ZCCHC14: variants seen among roughly 807,000 people sequenced by gnomAD.
ZCCHC14 encodes zinc finger CCHC-type containing 14.
Under a neutral mutation model 85.0 loss-of-function variants are expected in ZCCHC14, and 16 were observed. The ratio of observed to expected loss-of-function variants is 0.19; its 90% CI spans 0.13 to 0.29. The LOEUF is 0.29. Ranked by LOEUF, ZCCHC14 falls within the 10% of genes least tolerant of loss-of-function variation. The pLI is 1.00. For synonymous variants in ZCCHC14, 775 were observed against 630.7 expected (o/e 1.23, Z -3.43); for missense variants, 1,303 against 1,443.5 (o/e 0.90, Z 1.58).
intron 1 of ZCCHC14, chr16:87,473,633 A>T (rs979115062): frequency 6.6e-6 from 1 of 152,220 alleles, no homozygotes. Context: ...ACAATAACTA[A>T]ACTGCGTTAT....
In ZCCHC14 at chr16:87,412,041, G is replaced by C; in HGVS notation, c.2680C>G (p.Pro894Ala). Residue 894 changes from proline to alanine, a missense_variant, in exon 12 of 13, where the codon CCT becomes GCT. By Grantham distance (27) the Pro-to-Ala change is conservative (BLOSUM62 -1). Around this residue, in one of 7 missense-constraint regions of ZCCHC14, gnomAD observed 797 missense variants for 730.8 expected, o/e 1.09. Transcript: ENST00000671377. ...SGGGGSTGNI[P>A]ASNPNHHHHH... ...TGGTGGTGGTTCGGATTCGAGGCAG[G>C]AATGTTTCCTGTGGAGCCGCCACCG... is the stretch of plus-strand genomic sequence containing the variant. 1.2e-6 allele frequency: 2 copies of C among 1,609,440 alleles called. No individual in the cohort carries two copies. The highest frequency in any genetic ancestry group is 2.7e-5 in the African/African-American group (2 of 75,014).
chr16:87,413,725 C>A (rs1444496269), intron 10 of ZCCHC14, among the ~76,000 whole-genome samples: 2 of 151,800 alleles, frequency 1.3e-5, no homozygotes, highest in Non-Finnish European at 1.5e-5. Context: ...TGAGGGTCCC[C>A]CAAAGCAGGA....
intron 7 of ZCCHC14, 49 bp downstream of exon 7, chr16:87,418,798 T>A (rs764537084): frequency 6.4e-7 from 1 of 1,566,772 alleles, no homozygotes; most frequent in Admixed American, 1.7e-5. Context: ...AAAGTAAACA[T>A]TGTAAAATGC....
intron 9 of ZCCHC14, 94 bp downstream of exon 9, chr16:87,415,182 A>T (rs1229330524): frequency 4.0e-6 from 4 of 999,724 alleles, no homozygotes; most frequent in Non-Finnish European, 6.3e-6. Context: ...GAACTAATCC[A>T]ATCACTAGTA....
rs115416531 is a variant in ZCCHC14, at chr16:87,413,396, G to A, written c.1604-201C>T. Among the ~76,000 whole-genome samples the A allele has an allele frequency of 9.2e-5, 14 of 152,292 alleles. No homozygotes were observed. In the South Asian group the frequency reaches 1.2e-3, roughly 14 times the overall value. ...CAAATGGCAGCGATGCTCAACACCCGCTCAGCCAGGGCCCTGCCGGCCCCC... is the reference window on the plus strand; with the variant it reads ...CAAATGGCAGCGATGCTCAACACCCACTCAGCCAGGGCCCTGCCGGCCCCC... On this transcript the variant is annotated intron_variant, in intron 10 of 12. Coordinates refer to ENST00000671377, the MANE Select transcript of ZCCHC14 (RefSeq NM_015144.3).
At chr16:87,426,693 G>A (rs1008305779) in intron 3 of ZCCHC14, among the ~76,000 whole-genome samples, 1 of 152,230 alleles carries the variant, frequency 6.6e-6, no homozygotes, top group Admixed American at 6.5e-5. Flanking sequence ...GGGACAGGCA[G>A]CCCAGGATCC....
At chr16:87,446,567 C>A (rs145166103) in intron 2 of ZCCHC14, among the ~76,000 whole-genome samples, 2,459 of 152,096 alleles carry the variant, frequency 0.016, 26 homozygotes, top group Middle Eastern at 0.044. Context: ...TTACAGAAAA[C>A]GTTTGCCAGC....
In ZCCHC14 at chr16:87,483,003, C is replaced by A. The variant is rs561082390; in HGVS notation, c.570+8666G>T. Among the ~76,000 whole-genome samples the A allele has an allele frequency of 7.3e-5, 11 of 151,436 alleles. No individual in the cohort carries two copies. In the Middle Eastern group the frequency reaches 0.01, roughly 140 times the overall value. ...ATACATTATGCATTATGACACAAAA[C>A]CCAGAAGCCATACCAAAAAGGACTG... On this transcript the variant is annotated intron_variant, in intron 1 of 12. Transcript: ENST00000671377.
At chr16:87,416,909 G>C (rs1468761648) in intron 8 of ZCCHC14, among the ~76,000 whole-genome samples, 1 of 152,208 alleles carries the variant, frequency 6.6e-6, no homozygotes, top group Non-Finnish European at 1.5e-5. Flanking sequence ...AAGCCACCAA[G>C]CCGGTTTGCC....
intron 2 of ZCCHC14, among the ~76,000 whole-genome samples, chr16:87,447,690 T>C (rs1910508667): frequency 6.6e-6 from 1 of 152,252 alleles, no homozygotes; most frequent in Non-Finnish European, 1.5e-5. Flanking sequence ...CTGTTGTGGA[T>C]GTACGCTTTC....
At chr16:87,430,897 T>C (rs1052280388) in intron 3 of ZCCHC14, among the ~76,000 whole-genome samples, 3 of 152,128 alleles carry the variant, frequency 2.0e-5, no homozygotes, top group Non-Finnish European at 4.4e-5. Context: ...CCCAGCACTT[T>C]GGGAGGCTGA....
chr16:87,421,897 G>A lies in ZCCHC14; in HGVS notation c.841-1181C>T, dbSNP rs73238699. ...TCCGGCTCCACGGTCATCTAAACAT[G>A]TCTGACATTCAGTCAACATTTGCAA... On this transcript the variant is annotated intron_variant, in intron 4 of 12. Transcript: ENST00000671377. Among the ~76,000 whole-genome samples, 1,243 of 151,890 alleles carry A rather than the reference G, an allele frequency of 8.2e-3. 19 individuals are homozygous for A. The highest frequency in any genetic ancestry group is 0.028 in the African/African-American group (1,153 of 41,386).
Position 87,411,374 on chromosome 16 carries a change from T to C in ZCCHC14, c.3205+142A>G, listed in dbSNP as rs1401479048. 6 of 1,510,610 alleles carry C rather than the reference T, an allele frequency of 4.0e-6. No homozygotes were observed. The East Asian group carries it at 6.8e-5, about 17-fold the overall frequency. 93.6% of individuals were successfully genotyped at this position (1,510,610 alleles called of 1,614,324 possible). On this transcript the variant is annotated intron_variant, in intron 12 of 12. Coordinates refer to ENST00000671377, the MANE Select transcript of ZCCHC14 (RefSeq NM_015144.3). ...CTTCTGGGGACCTCACGGCCTATCATGAAGATTTCCACGCGCTTTCAAAGA... is the reference window on the plus strand; with the variant it reads ...CTTCTGGGGACCTCACGGCCTATCACGAAGATTTCCACGCGCTTTCAAAGA...
rs1380470142 is a variant in ZCCHC14 at position 87,409,330 on chromosome 16, A to G, written c.*950T>C. 1.3e-5 allele frequency: 2 copies of G among 152,236 alleles called. No homozygotes were observed. Among genetic ancestry groups the G allele is most frequent in the Non-Finnish European group, 2.9e-5 (2 of 68,054 alleles). The allele number at this position is 152,236 out of a possible 1,614,324, so 9.4% of individuals were successfully genotyped here. A position where few individuals can be genotyped will look rare whatever the true frequency, so the allele number is the denominator to read the frequency against. On this transcript the variant is annotated 3_prime_UTR_variant, in exon 13 of 13. Coordinates refer to ENST00000671377, the MANE Select transcript of ZCCHC14 (RefSeq NM_015144.3). The stretch of plus-strand genomic sequence containing the variant: ...GGTTCTTGGGGAGCCCGTGGGAGAT[A>G]AAGCAACTTGCAAACTCTGCTGAGG...
Position 87,492,139 on chromosome 16 carries a change from C to A in ZCCHC14, c.100G>T (p.Asp34Tyr). The A allele has an allele frequency of 7.6e-7, 1 of 1,310,186 alleles. No homozygotes were observed. The highest frequency in any genetic ancestry group is 1.7e-5 in the South Asian group (1 of 59,196). The allele number at this position is 1,310,186 out of a possible 1,614,324, so 81.2% of individuals were successfully genotyped here. Residue 34 changes from aspartate to tyrosine, a missense_variant, in exon 1 of 13, where the codon GAC becomes TAC. Asp to Tyr is a radical substitution (Grantham distance 160, BLOSUM62 -3). Transcript: ENST00000671377. This position sits in a 1 kb window ranked among gnomAD's most constrained non-coding sequence, Gnocchi z 6.7. ...QRVEFLCGLL[D>Y]LCIPLELRFL... is the part of the protein sequence containing the mutation. ...CGAAGCTCGAGCGGGATGCACAGGTCCAGCAGGCCGCACAGGAACTCCACG... is the reference window on the plus strand; with the variant it reads ...CGAAGCTCGAGCGGGATGCACAGGTACAGCAGGCCGCACAGGAACTCCACG...
chr16:87,425,344 A>G (rs1373851369), intron 3 of ZCCHC14, among the ~76,000 whole-genome samples: 2 of 152,146 alleles, frequency 1.3e-5, no homozygotes, highest in African/African-American at 4.8e-5. Flanking sequence ...TGGGAGGCTG[A>G]GGTGGGCGGA....
intron 7 of ZCCHC14, 89 bp downstream of exon 7, chr16:87,418,758 T>G (rs1908930890): frequency 1.5e-6 from 2 of 1,326,530 alleles, no homozygotes; most frequent in Non-Finnish European, 1.1e-6. Context: ...GAGCATGACT[T>G]AATTCTTGGA....
chr16:87,477,140 A>C (rs1489652948), intron 1 of ZCCHC14, among the ~76,000 whole-genome samples: 4 of 96,734 alleles, frequency 4.1e-5, no homozygotes, highest in South Asian at 2.7e-4. Flanking sequence ...AAAAAAAAAA[A>C]ACAAAACAAA....
intron 1 of ZCCHC14, among the ~76,000 whole-genome samples, chr16:87,460,411 C>T (rs557991446): frequency 9.9e-5 from 15 of 152,244 alleles, no homozygotes; most frequent in Admixed American, 2.6e-4. Context: ...CCAAAGAGGC[C>T]GGGCACGGTG....
Sources: gnomAD v4.1 joint callset for allele counts (sites outside exome capture counted in the v4.1 genomes callset) on GRCh38, gnomAD v4.1.1 for gene constraint, gnomAD v4.1.1 regional missense constraint, Gnocchi (gnomAD v3.1) non-coding constraint, MANE v1.5 for transcripts, NCBI Gene and HGNC (gene_info 2026-07-23, HGNC 2026-07-21) for gene names.